MAP2K5: variants seen among roughly 807,000 people sequenced by gnomAD.
MAP2K5 encodes the protein mitogen-activated protein kinase kinase 5.
In MAP2K5, 49 loss-of-function variants were observed where a neutral mutation model predicts 83.1. That is an observed-to-expected ratio of 0.59 (90% confidence interval 0.47 to 0.75). The LOEUF (loss-of-function observed/expected upper bound fraction) is 0.75, where lower values mean the gene tolerates loss of function less well. MAP2K5 is among the 30% of genes least tolerant of loss of function. The pLI is 0.00. For missense variants in MAP2K5, 457 were observed against 557.5 expected, an observed-to-expected ratio of 0.82 and a Z score of 1.82; for synonymous variants, 202 against 191.8, an observed-to-expected ratio of 1.05 and a Z score of -0.44.
At position 67,781,497 on chromosome 15, in the gene MAP2K5, A is replaced by T. The variant is rs767808587; in HGVS notation, c.1242+8745A>T. On this transcript the variant is annotated intron_variant, in intron 21 of 21. Coordinates refer to ENST00000178640, the MANE Select transcript of MAP2K5 (RefSeq NM_145160.3). This position sits in a 1 kb window ranked among gnomAD's most constrained non-coding sequence, Gnocchi z 4.0. ...CATTTAGAGACTGCAGAAAGGCAGT[A>T]GAGACATTTGGGCCTACCGTCCTCT... 3.3e-5 allele frequency among the ~76,000 whole-genome samples: 5 copies of T among 152,218 alleles called. No individual in the cohort carries two copies. Among genetic ancestry groups the T allele is most frequent in the Non-Finnish European group, 7.3e-5 (5 of 68,044 alleles).
At chr15:67,546,077 G>A (rs750769025) in intron 1 of MAP2K5, 1 of 152,290 alleles carries the variant, frequency 6.6e-6, no homozygotes, top group African/African-American at 2.4e-5. Context: ...AAGGCCTGAC[G>A]AAGGACCTGT....
chr15:67,705,680 G>C (rs895470949), intron 16 of MAP2K5, among the ~76,000 whole-genome samples: 1 of 152,030 alleles, frequency 6.6e-6, no homozygotes, highest in Non-Finnish European at 1.5e-5. Flanking sequence ...AGGTTGTGGT[G>C]AGCCAAGATC....
chr15:67,772,572 T>C (rs2090163025), intron 20 of MAP2K5, 135 bp from the exon 21 acceptor site: 1 of 502,208 alleles, frequency 2.0e-6, no homozygotes, highest in East Asian at 3.2e-5. Flanking sequence ...TATATGCTAA[T>C]ACTTTGGCCA....
intron 19 of MAP2K5, among the ~76,000 whole-genome samples, chr15:67,754,565 T>C (rs1434974596): frequency 3.3e-5 from 5 of 152,204 alleles, no homozygotes; most frequent in African/African-American, 1.2e-4. Flanking sequence ...TTCATTATGT[T>C]AAAAACTATA....
intron 9 of MAP2K5, among the ~76,000 whole-genome samples, chr15:67,635,608 C>T (rs1351285076): frequency 6.6e-6 from 1 of 152,136 alleles, no homozygotes; most frequent in Non-Finnish European, 1.5e-5. Flanking sequence ...TATTTTCCTT[C>T]TGTCTGAATG....
intron 13 of MAP2K5, among the ~76,000 whole-genome samples, chr15:67,678,357 G>T (rs891635618): frequency 1.3e-5 from 2 of 152,074 alleles, no homozygotes; most frequent in Admixed American, 1.3e-4. Flanking sequence ...CTTTATAGGG[G>T]GAAAAAGTTG....
intron 4 of MAP2K5, among the ~76,000 whole-genome samples, chr15:67,583,544 A>G (rs1296278968): frequency 6.6e-6 from 1 of 152,090 alleles, no homozygotes; most frequent in East Asian, 1.9e-4. Flanking sequence ...ACCTGTCTAC[A>G]TCGAATGTAC....
intron 13 of MAP2K5, among the ~76,000 whole-genome samples, chr15:67,678,948 G>T (rs929650596): frequency 3.4e-5 from 4 of 118,184 alleles, no homozygotes; most frequent in Non-Finnish European, 6.5e-5. Flanking sequence ...TGGCAACCGA[G>T]TGACACTGCA....
Position 67,577,252 on chromosome 15 carries a change from G to A in MAP2K5, c.253-3502G>A, listed in dbSNP as rs1483748572. ...GCCCGGCCAGTAACCCTATATATTA[G>A]GGTAAATATTTTTATGCTCATTTGG... is the stretch of plus-strand genomic sequence containing the variant. On this transcript the variant is annotated intron_variant, in intron 3 of 21. Transcript: ENST00000178640. This position sits in a 1 kb window ranked among gnomAD's most constrained non-coding sequence, Gnocchi z 4.1. Among the ~76,000 whole-genome samples, 2 of 152,100 alleles carry A rather than the reference G, an allele frequency of 1.3e-5. No individual in the cohort carries two copies. The highest frequency in any genetic ancestry group is 4.8e-5 in the African/African-American group (2 of 41,412).
rs1386314037 is a variant in MAP2K5 at position 67,668,653 on chromosome 15, T to C, written c.847+4008T>C. Among the ~76,000 whole-genome samples, 3 of 152,170 alleles carry C rather than the reference T, an allele frequency of 2.0e-5. No homozygotes were observed. Among genetic ancestry groups the C allele is most frequent in the Non-Finnish European group, 4.4e-5 (3 of 68,026 alleles). ...CAAACATAAATACAAGATTAACACC[T>C]ATGCCATTTCTTGGGAAGATGTGAG... is the stretch of plus-strand genomic sequence containing the variant. On this transcript the variant is annotated intron_variant, in intron 13 of 21. Coordinates refer to ENST00000178640, the MANE Select transcript of MAP2K5 (RefSeq NM_145160.3). The surrounding 1 kb of genome is among the most constrained non-coding windows in gnomAD (Gnocchi z 4.0).
At chr15:67,576,006 G>A (rs59966963) in intron 3 of MAP2K5, among the ~76,000 whole-genome samples, 1,677 of 124,784 alleles carry the variant, frequency 0.013, 74 homozygotes, top group African/African-American at 0.03. Context: ...TGCAACCTCT[G>A]CCTCCTGGGT....
At chr15:67,797,797 C>G (rs1226361358) in intron 21 of MAP2K5, among the ~76,000 whole-genome samples, 2 of 152,120 alleles carry the variant, frequency 1.3e-5, no homozygotes, top group Non-Finnish European at 2.9e-5. Context: ...GTTCTCCAGC[C>G]TCAGCCTCTG....
intron 13 of MAP2K5, among the ~76,000 whole-genome samples, chr15:67,686,750 A>G (rs1318311450): frequency 6.6e-6 from 1 of 152,228 alleles, no homozygotes; most frequent in Non-Finnish European, 1.5e-5. Context: ...AACTGACTGT[A>G]AAGTTTTTAA....
Position 67,664,600 on chromosome 15 carries a change from G to A in MAP2K5, c.802G>A (p.Val268Ile). Residue 268 changes from valine (V) to isoleucine (I), a missense_variant, in exon 13 of 22, where the codon GTT (valine) becomes ATT (isoleucine). Transcript: ENST00000178640. Reference sequence around the variant, plus strand: ...GTTTTCTTTTTCCTAAATTTAGGTTGTTAAAGGCCTTACTTATTTGTGGAG... The same window carrying A: ...GTTTTCTTTTTCCTAAATTTAGGTTATTAAAGGCCTTACTTATTTGTGGAG... ...HVLGRIAVAV[V>I]KGLTYLWSLK... 2 of 1,569,718 alleles carry A rather than the reference G, an allele frequency of 1.3e-6. No individual in the cohort carries two copies. Among genetic ancestry groups the A allele is most frequent in the South Asian group, 1.1e-5 (1 of 89,992 alleles).
chr15:67,580,698 G>A, intron 3 of MAP2K5, 56 bp from the exon 4 acceptor site: 1 of 1,071,626 alleles, frequency 9.3e-7, no homozygotes, highest in Non-Finnish European at 1.4e-6. Context: ...ACCCATAAGT[G>A]TCTGTTCCAG....
intron 12 of MAP2K5, among the ~76,000 whole-genome samples, chr15:67,660,523 A>G (rs1411569714): frequency 6.6e-6 from 1 of 152,146 alleles, no homozygotes; most frequent in Non-Finnish European, 1.5e-5. Flanking sequence ...TGGCATCAAC[A>G]TCTTTCCCTT....
chr15:67,628,047 G>T (rs969666968), intron 8 of MAP2K5: 4 of 724,340 alleles, frequency 5.5e-6, no homozygotes, highest in Non-Finnish European at 7.4e-6. Context: ...CCCTGTGGAG[G>T]CAGTGGATGC....
intron 3 of MAP2K5, among the ~76,000 whole-genome samples, chr15:67,564,460 T>C (rs1303013004): frequency 6.6e-6 from 1 of 152,200 alleles, no homozygotes; most frequent in African/African-American, 2.4e-5. Flanking sequence ...AGGATATTGT[T>C]TCATTGTAAT....
chr15:67,635,392 G>A lies in MAP2K5; in HGVS notation c.585+4465G>A, dbSNP rs144701907. ...GGGTTTCACCATGTTAGGCAGGATG[G>A]TCTCGAACTCCTGACCTTGTGATCT... On this transcript the variant is annotated intron_variant, in intron 9 of 21. Coordinates refer to ENST00000178640, the MANE Select transcript of MAP2K5 (RefSeq NM_145160.3). Among the ~76,000 whole-genome samples, 95 of 152,142 alleles carry A rather than the reference G, an allele frequency of 6.2e-4. No homozygotes were observed. The East Asian group carries it at 0.017, about 28-fold the overall frequency.
Sources: gnomAD v4.1 joint callset for allele counts (sites outside exome capture counted in the v4.1 genomes callset) on GRCh38, gnomAD v4.1.1 for gene constraint, Gnocchi (gnomAD v3.1) non-coding constraint, MANE v1.5 for transcripts, NCBI Gene and HGNC (gene_info 2026-07-23, HGNC 2026-07-21) for gene names.